Variants in CTNND2 observed in about 807,000 individuals in gnomAD.
CTNND2 encodes the protein catenin delta-2.
In CTNND2, 22 loss-of-function variants were observed where a neutral mutation model predicts 144.4. That is an observed-to-expected ratio of 0.15 (90% confidence interval 0.11 to 0.22). The LOEUF (loss-of-function observed/expected upper bound fraction) is 0.22, where lower values mean the gene tolerates loss of function less well. CTNND2 is among the 10% of genes least tolerant of loss of function. CTNND2 has a pLI of 1.00. For synonymous variants in CTNND2, 751 were observed against 695.6 expected (o/e 1.08, Z -1.25); for missense variants, 1,353 against 1,618.8 (o/e 0.84, Z 2.82).
chr5:11,899,673 G>C (rs1473686615), intron 1 of CTNND2, among the ~76,000 whole-genome samples: 1 of 152,086 alleles, frequency 6.6e-6, no homozygotes, highest in South Asian at 2.1e-4. Flanking sequence ...TTGATTTCTT[G>C]TGTTCACATA....
rs143777597 is a variant in CTNND2, at chr5:11,171,384, A to G, written c.1976-11625T>C. Among the ~76,000 whole-genome samples, 718 of 152,314 alleles carry G rather than the reference A, an allele frequency of 4.7e-3. 11 individuals carry two copies. Among genetic ancestry groups the G allele is most frequent in the South Asian group, 0.032 (152 of 4,818 alleles). On this transcript the variant is annotated intron_variant, in intron 11 of 21. Coordinates refer to ENST00000304623, the MANE Select transcript of CTNND2 (RefSeq NM_001332.4). ...TCTAATAAGAGATTATTTTTCATGG[A>G]AAATATGCTATCACTGGATAATAAT...
intron 10 of CTNND2, among the ~76,000 whole-genome samples, chr5:11,215,830 G>T (rs10067951): frequency 1.3e-3 from 201 of 152,254 alleles, no homozygotes; most frequent in African/African-American, 4.3e-3. Flanking sequence ...AAAACTGTTA[G>T]GTATTTACTA....
chr5:11,865,538 C>T (rs934359198), intron 1 of CTNND2, among the ~76,000 whole-genome samples: 10 of 151,972 alleles, frequency 6.6e-5, no homozygotes, highest in African/African-American at 2.4e-4. Flanking sequence ...TAATAGAGAC[C>T]AGCAAAGGAG....
chr5:11,882,930 T>C (rs1043549193), intron 1 of CTNND2, among the ~76,000 whole-genome samples: 1 of 152,202 alleles, frequency 6.6e-6, no homozygotes, highest in African/African-American at 2.4e-5. Context: ...ATATTAATTA[T>C]TCCAATCCAT....
chr5:11,426,771 C>G (rs1340522827), intron 3 of CTNND2, among the ~76,000 whole-genome samples: 1 of 152,104 alleles, frequency 6.6e-6, no homozygotes, highest in African/African-American at 2.4e-5. Flanking sequence ...ATTGAGGAGC[C>G]CTGTCATCTC....
At chr5:11,288,682 A>G (rs189983178) in intron 9 of CTNND2, among the ~76,000 whole-genome samples, 3 of 152,306 alleles carry the variant, frequency 2.0e-5, no homozygotes, top group Admixed American at 1.3e-4. Context: ...GAAAGAAGGA[A>G]GAGACTGAGT....
intron 3 of CTNND2, among the ~76,000 whole-genome samples, chr5:11,547,426 A>T (rs1413743529): frequency 6.6e-6 from 1 of 152,158 alleles, no homozygotes; most frequent in African/African-American, 2.4e-5. Flanking sequence ...AACAAGACTG[A>T]TCAACCTAAC....
chr5:11,658,367 C>CTA (rs1783020436), intron 2 of CTNND2, among the ~76,000 whole-genome samples: 1 of 151,984 alleles, frequency 6.6e-6, no homozygotes, highest in Non-Finnish European at 1.5e-5. Context: ...AGATGAAGAA[C>CTA]TAAATCTGTA....
chr5:11,469,332 G>A (rs1160820770), intron 3 of CTNND2, among the ~76,000 whole-genome samples: 1 of 152,158 alleles, frequency 6.6e-6, no homozygotes, highest in Non-Finnish European at 1.5e-5. Context: ...AAGAGTTTCT[G>A]GTGTGCAGGA....
chr5:11,194,526 A>G (rs1179370223), intron 11 of CTNND2, among the ~76,000 whole-genome samples: 1 of 152,216 alleles, frequency 6.6e-6, no homozygotes, highest in African/African-American at 2.4e-5. Context: ...CCCCACTACA[A>G]CAGTTCCCTC....
intron 3 of CTNND2, among the ~76,000 whole-genome samples, chr5:11,505,906 G>T (rs1770984099): frequency 6.6e-6 from 1 of 152,026 alleles, no homozygotes; most frequent in Non-Finnish European, 1.5e-5. Context: ...AGCTGCGTTG[G>T]GTTTTCCTCT....
intron 12 of CTNND2, among the ~76,000 whole-genome samples, chr5:11,142,136 A>T (rs941052527): frequency 2.0e-4 from 30 of 152,156 alleles, no homozygotes; most frequent in Non-Finnish European, 5.9e-5. Flanking sequence ...TTTATAAATT[A>T]CCCAGACTGT....
At chr5:11,861,180 T>G (rs1423591272) in intron 1 of CTNND2, among the ~76,000 whole-genome samples, 1 of 152,186 alleles carries the variant, frequency 6.6e-6, no homozygotes, top group Non-Finnish European at 1.5e-5. Flanking sequence ...AGTTTTATGT[T>G]TCAAAAAGTC....
intron 9 of CTNND2, among the ~76,000 whole-genome samples, chr5:11,346,027 C>A (rs890003217): frequency 2.0e-5 from 3 of 152,048 alleles, no homozygotes; most frequent in African/African-American, 7.2e-5. Flanking sequence ...TCCACTGAGA[C>A]AATAAAATAT....
intron 2 of CTNND2, among the ~76,000 whole-genome samples, chr5:11,683,845 A>G (rs1208825050): frequency 6.6e-6 from 1 of 152,212 alleles, no homozygotes; most frequent in African/African-American, 2.4e-5. Flanking sequence ...GGCAGACTCT[A>G]GGTCAGAGCC....
chr5:11,754,978 A>T (rs1788852013), intron 1 of CTNND2, among the ~76,000 whole-genome samples: 1 of 151,710 alleles, frequency 6.6e-6, no homozygotes, highest in African/African-American at 2.4e-5. Context: ...TGATCATATT[A>T]TCTTGTTATT....
intron 10 of CTNND2, among the ~76,000 whole-genome samples, chr5:11,235,149 C>T (rs987408474): frequency 6.6e-6 from 1 of 152,134 alleles, no homozygotes; most frequent in African/African-American, 2.4e-5. Flanking sequence ...CGGGGCACTA[C>T]AACACTCTTG....
rs200509477 is a variant in CTNND2, at chr5:11,080,015, AT to A, written c.2788+2680del. On this transcript the variant is annotated intron_variant, in intron 16 of 21. Transcript: ENST00000304623. The stretch of plus-strand genomic sequence containing the variant: ...TAAAAAGCTTCTGCACAGAAAAAAA[AT>A]AATGGAATGAAGAGACAACCTACAG... Among the ~76,000 whole-genome samples the A allele has an allele frequency of 4.9e-3, 739 of 152,332 alleles. 8 individuals carry two copies. Among genetic ancestry groups the A allele is most frequent in the African/African-American group, 0.017 (697 of 41,580 alleles).
At chr5:11,889,640 T>C (rs984145568) in intron 1 of CTNND2, among the ~76,000 whole-genome samples, 1 of 152,246 alleles carries the variant, frequency 6.6e-6, no homozygotes, top group Non-Finnish European at 1.5e-5. Flanking sequence ...ACAGGAAATA[T>C]TAAAGTTTAT....
Sources: allele counts gnomAD v4.1 joint callset (sites outside exome capture counted in the v4.1 genomes callset), GRCh38; gene constraint gnomAD v4.1.1; transcripts MANE v1.5; gene names NCBI Gene and HGNC (gene_info 2026-07-23, HGNC 2026-07-21).